FRRS1L: variants seen among roughly 807,000 people sequenced by gnomAD.
FRRS1L encodes the protein ferric chelate reductase 1 like, also known as DOMON domain-containing protein FRRS1L.
FRRS1L carries 22 observed loss-of-function variants against 28.6 expected under a neutral mutation model. The ratio of observed to expected loss-of-function variants is 0.77; its 90% confidence interval spans 0.55 to 1.10. The LOEUF is 1.10. Among genes scored for constraint, FRRS1L ranks in the 50% least tolerant of loss-of-function variants. The probability of loss-of-function intolerance (pLI) is 0.00; values close to 1 mark genes in which losing one functional copy is unlikely to be tolerated. For missense variants in FRRS1L, 380 were observed against 386.9 expected (o/e 0.98, Z 0.15); for synonymous variants, 158 against 151.4 (o/e 1.04, Z -0.32).
rs534425577 is a variant in FRRS1L at position 109,153,129 on chromosome 9, A to C, written c.239-3409T>G. Among the ~76,000 whole-genome samples the C allele has an allele frequency of 2.6e-5, 4 of 152,304 alleles. No individual in the cohort carries two copies. In the South Asian group the frequency reaches 8.3e-4, roughly 32 times the overall value. On this transcript the variant is annotated intron_variant, in intron 1 of 4. Coordinates refer to ENST00000561981, the MANE Select transcript of FRRS1L (RefSeq NM_014334.4). ...GGGAGACAAACTCTAAAACCTTGGAATTTCCCAAGTAATGGGAGTGTTTTT... is the reference window on the plus strand; with the variant it reads ...GGGAGACAAACTCTAAAACCTTGGACTTTCCCAAGTAATGGGAGTGTTTTT...
At chr9:109,154,068 G>A (rs1831373344) in intron 1 of FRRS1L, among the ~76,000 whole-genome samples, 1 of 152,162 alleles carries the variant, frequency 6.6e-6, no homozygotes, top group South Asian at 2.1e-4. Context: ...ACTTCATCCT[G>A]GCAGTTGGCC....
intron 1 of FRRS1L, among the ~76,000 whole-genome samples, chr9:109,164,617 C>T (rs1228313892): frequency 1.3e-5 from 2 of 151,668 alleles, no homozygotes; most frequent in Admixed American, 6.6e-5. Context: ...AGGCTAGTCT[C>T]GAACTCCTGA....
intron 1 of FRRS1L, among the ~76,000 whole-genome samples, chr9:109,164,387 A>G (rs1455864910): frequency 6.8e-6 from 1 of 146,024 alleles, no homozygotes; most frequent in Non-Finnish European, 1.5e-5. Flanking sequence ...TCATTCAGGG[A>G]GCAGGTTGAT....
intron 1 of FRRS1L, among the ~76,000 whole-genome samples, chr9:109,154,593 A>C (rs1479188515): frequency 6.6e-6 from 1 of 152,248 alleles, no homozygotes; most frequent in Non-Finnish European, 1.5e-5. Flanking sequence ...CTAGGTACAC[A>C]GAATTAAATT....
chr9:109,154,679 C>T (rs1430375681), intron 1 of FRRS1L, among the ~76,000 whole-genome samples: 3 of 152,216 alleles, frequency 2.0e-5, no homozygotes, highest in African/African-American at 7.2e-5. Context: ...CAATCCATCA[C>T]TAACTCCATT....
rs189632167 is a variant in FRRS1L, at chr9:109,131,292, A to C, written c.*6163T>G. The C allele has an allele frequency of 1.3e-5, 2 of 152,232 alleles. No homozygotes were observed. The highest frequency in any genetic ancestry group is 4.8e-5 in the African/African-American group (2 of 41,460). The allele number at this position is 152,232 out of a possible 1,614,324, so 9.4% of individuals were successfully genotyped here. A position where few individuals can be genotyped will look rare whatever the true frequency, so the allele number is the denominator to read the frequency against. ...AGTGGTACTTTATATGTTCTTAACA[A>C]TTCATATAATGTTGAATGGAGGAGG... On this transcript the variant is annotated 3_prime_UTR_variant, in exon 5 of 5. Transcript: ENST00000561981.
rs10759328 is a variant in FRRS1L, at chr9:109,137,025, T to C, written c.*430A>G. On this transcript the variant is annotated 3_prime_UTR_variant, in exon 5 of 5. Transcript: ENST00000561981. ...ATAACTCTCTGTGCTATAGCACTCA[T>C]AGTAAAGACTGTTTTGAGACATGAT... The C allele has an allele frequency of 0.22, 33,373 of 152,694 alleles. 3,808 individuals are homozygous for C. Among genetic ancestry groups the C allele is most frequent in the East Asian group, 0.34 (1,775 of 5,184 alleles). The allele number at this position is 152,694 out of a possible 1,614,324, so 9.5% of individuals were successfully genotyped here. A position where few individuals can be genotyped will look rare whatever the true frequency, so the allele number is the denominator to read the frequency against.
At chr9:109,151,094 T>G (rs1831325123) in intron 1 of FRRS1L, 1 of 152,242 alleles carries the variant, frequency 6.6e-6, no homozygotes, top group Admixed American at 6.5e-5. Context: ...CTGGCACACT[T>G]CTGTGCACTC....
At chr9:109,147,440 C>A in intron 2 of FRRS1L, 1 of 391,966 alleles carries the variant, frequency 2.6e-6, no homozygotes, top group Non-Finnish European at 4.6e-6. Context: ...GTGAAGTCAG[C>A]GGTTGCAACA....
At chr9:109,145,648 A>C (rs1010881169) in intron 3 of FRRS1L, among the ~76,000 whole-genome samples, 3 of 152,090 alleles carry the variant, frequency 2.0e-5, no homozygotes, top group African/African-American at 7.2e-5. Flanking sequence ...CAGGAGGCAA[A>C]GGTTGCAGTG....
At chr9:109,137,789 C>A in intron 4 of FRRS1L, 162 bp from the exon 5 acceptor site, 1 of 398,130 alleles carries the variant, frequency 2.5e-6, no homozygotes, top group Non-Finnish European at 4.4e-6. Flanking sequence ...AATTCTCTAT[C>A]ATTGTACATA....
intron 4 of FRRS1L, chr9:109,138,406 G>T (rs1388513555): frequency 1.3e-5 from 2 of 152,176 alleles, no homozygotes; most frequent in African/African-American, 4.8e-5. Flanking sequence ...TTTGAAACTT[G>T]GGTTAGGGAG....
chr9:109,156,458 GCCTC>G (rs1232057191), intron 1 of FRRS1L, among the ~76,000 whole-genome samples: 1 of 148,646 alleles, frequency 6.7e-6, no homozygotes, highest in South Asian at 2.1e-4. Context: ...GCACGATCTC[GCCTC>G]ACTGCAACCT....
Position 109,149,706 on chromosome 9 carries a change from T to G in FRRS1L, c.253A>C (p.Thr85Pro). 2 of 1,611,928 alleles carry G rather than the reference T, an allele frequency of 1.2e-6. No individual in the cohort carries two copies. The change falls in exon 2 of 5, where the codon ACT becomes CCT. Residue 85 changes from threonine to proline, a missense_variant. By Grantham distance (38) the Thr-to-Pro change is conservative. Transcript: ENST00000561981. ...YLSEEGYPFP[T>P]APPVDPFAKI... ...GCAAATGGATCCACAGGAGGAGCAG[T>G]AGGGAAGGGGTAACCTGGGCAGTGA...
At chr9:109,164,261 G>A (rs1434643717) in intron 1 of FRRS1L, among the ~76,000 whole-genome samples, 1 of 152,176 alleles carries the variant, frequency 6.6e-6, no homozygotes, top group Non-Finnish European at 1.5e-5. Context: ...GAAACTGTCA[G>A]AGAGAAGAGG....
chr9:109,147,866 CTGTT>C (rs1831283324), intron 2 of FRRS1L: 1 of 152,164 alleles, frequency 6.6e-6, no homozygotes, highest in African/African-American at 2.4e-5. Context: ...TCACTTTTAT[CTGTT>C]TGAACTGCTG....
chr9:109,147,088 C>T lies in FRRS1L; in HGVS notation c.425G>A (p.Gly142Asp), dbSNP rs564299741. 1 of 1,613,938 alleles carries T rather than the reference C, an allele frequency of 6.2e-7. No individual in the cohort carries two copies. Among genetic ancestry groups the T allele is most frequent in the African/African-American group, 1.3e-5 (1 of 75,058 alleles). Residue 142 changes from glycine (G) to aspartate (D), a missense_variant, in exon 3 of 5, where the codon GGT (glycine) becomes GAT (aspartate). Coordinates refer to ENST00000561981, the MANE Select transcript of FRRS1L (RefSeq NM_014334.4). ...VEFELSADTDGWVAVGFSSDK... is the reference protein window; with the variant it reads ...VEFELSADTDDWVAVGFSSDK... ...TGAAGAGAATCCAACTGCTACCCAA[C>T]CATCTGTGTCTGCACTCAGCTCAAA...
chr9:109,144,431 C>T (rs1338389601), intron 3 of FRRS1L, among the ~76,000 whole-genome samples: 5 of 152,074 alleles, frequency 3.3e-5, no homozygotes, highest in South Asian at 2.1e-4. Context: ...AGTGCAATGG[C>T]GCCATCTCAG....
At chr9:109,138,822 A>G (rs760814317) in intron 4 of FRRS1L, 1 of 152,238 alleles carries the variant, frequency 6.6e-6, no homozygotes, top group Non-Finnish European at 1.5e-5. Flanking sequence ...GTGAAATCCA[A>G]CCTCATACCC....
Sources: allele counts gnomAD v4.1 joint callset (sites outside exome capture counted in the v4.1 genomes callset), GRCh38; gene constraint gnomAD v4.1.1; transcripts MANE v1.5; gene names NCBI Gene and HGNC (gene_info 2026-07-23, HGNC 2026-07-21).